The following RNF220 variants were observed in gnomAD, a reference collection of about 807,000 sequenced individuals.
RNF220 encodes ring finger protein 220.
Under a neutral mutation model 67.1 loss-of-function variants are expected in RNF220, and 7 were observed. The observed-to-expected ratio is 0.10, with a 90% CI of 0.06 to 0.20. The LOEUF (loss-of-function observed/expected upper bound fraction) is 0.20, where lower values mean the gene tolerates loss of function less well. Among genes scored for constraint, RNF220 ranks in the 10% least tolerant of loss-of-function variants. RNF220 has a pLI of 1.00. For synonymous variants in RNF220, 270 were observed against 283.2 expected (o/e 0.95, Z 0.47); for missense variants, 565 against 740.3 (o/e 0.76, Z 2.75).
At position 44,573,433 on chromosome 1, in the gene RNF220, C is replaced by G. The variant is rs142471276; in HGVS notation, c.626-40732C>G. Among the ~76,000 whole-genome samples, 370 of 152,136 alleles carry G rather than the reference C, an allele frequency of 2.4e-3. 2 individuals are homozygous for G. Among genetic ancestry groups the G allele is most frequent in the African/African-American group, 8.3e-3 (343 of 41,494 alleles). On this transcript the variant is annotated intron_variant, in intron 2 of 14. Transcript: ENST00000361799. The stretch of plus-strand genomic sequence containing the variant: ...GCTATCAGTCCATGAGGACACCGGG[C>G]TAGAAAGAAGAGAAGAGACCAGAAT...
At chr1:44,594,387 C>T (rs142513227) in intron 2 of RNF220, among the ~76,000 whole-genome samples, 53 of 152,274 alleles carry the variant, frequency 3.5e-4, no homozygotes, top group African/African-American at 1.1e-3. Flanking sequence ...TCCCCACGTC[C>T]CAGGAAGTGG....
intron 2 of RNF220, among the ~76,000 whole-genome samples, chr1:44,556,822 G>A (rs1355284441): frequency 6.6e-6 from 1 of 152,128 alleles, no homozygotes; most frequent in Non-Finnish European, 1.5e-5. Context: ...GCCTCCCAAA[G>A]TTCTGGGATT....
chr1:44,494,380 A>T (rs1258080178), intron 2 of RNF220, among the ~76,000 whole-genome samples: 1 of 152,148 alleles, frequency 6.6e-6, no homozygotes, highest in Non-Finnish European at 1.5e-5. Flanking sequence ...TCAACTAGAG[A>T]TATTCTCAGA....
chr1:44,532,185 C>T (rs1014559339), intron 2 of RNF220, among the ~76,000 whole-genome samples: 1 of 152,194 alleles, frequency 6.6e-6, no homozygotes, highest in East Asian at 1.9e-4. Context: ...GTGCCCAGAC[C>T]TGCCCTGTCC....
At chr1:44,627,567 G>C (rs1232432021) in intron 5 of RNF220, among the ~76,000 whole-genome samples, 1 of 152,086 alleles carries the variant, frequency 6.6e-6, no homozygotes, top group Non-Finnish European at 1.5e-5. Flanking sequence ...GAGTAGGAAG[G>C]ACAAAGAACT....
At chr1:44,542,852 G>A (rs1175391883) in intron 2 of RNF220, among the ~76,000 whole-genome samples, 1 of 152,214 alleles carries the variant, frequency 6.6e-6, no homozygotes, top group Non-Finnish European at 1.5e-5. Flanking sequence ...GAGGAAGGCA[G>A]TGCTGGAGAA....
At chr1:44,632,470 G>T (rs1644185300) in intron 6 of RNF220, 85 bp downstream of exon 6, 3 of 1,376,650 alleles carry the variant, frequency 2.2e-6, no homozygotes, top group Non-Finnish European at 3.0e-6. Flanking sequence ...GGCTTGCCTG[G>T]GTCTCTTCGA....
At chr1:44,499,709 G>C (rs1572689683) in intron 2 of RNF220, among the ~76,000 whole-genome samples, 1 of 148,156 alleles carries the variant, frequency 6.7e-6, no homozygotes, top group East Asian at 1.9e-4. Context: ...CTCTAGCCTA[G>C]ACCTCTCCCC....
chr1:44,441,809 C>T (rs1301970711), intron 2 of RNF220, among the ~76,000 whole-genome samples: 1 of 152,170 alleles, frequency 6.6e-6, no homozygotes, highest in East Asian at 1.9e-4. Context: ...TGCTAGGAGC[C>T]ATTAGGTCAT....
intron 2 of RNF220, among the ~76,000 whole-genome samples, chr1:44,527,785 G>C (rs935286142): frequency 6.6e-6 from 1 of 151,598 alleles, no homozygotes; most frequent in Non-Finnish European, 1.5e-5. Flanking sequence ...AATTAGCCAG[G>C]CATGGTGGCA....
chr1:44,580,994 CAG>C (rs1257712147), intron 2 of RNF220, among the ~76,000 whole-genome samples: 1 of 152,218 alleles, frequency 6.6e-6, no homozygotes, highest in Non-Finnish European at 1.5e-5. Context: ...TGCCCAGAGC[CAG>C]AGTCTGGGCC....
intron 2 of RNF220, among the ~76,000 whole-genome samples, chr1:44,578,817 T>G (rs1665018795): frequency 6.6e-6 from 1 of 152,212 alleles, no homozygotes; most frequent in Non-Finnish European, 1.5e-5. Flanking sequence ...CTAATATTTA[T>G]TGAGTGCTCA....
In RNF220 at chr1:44,405,352, A is replaced by C; in HGVS notation, c.-296A>C. The C allele has an allele frequency of 3.4e-6, 2 of 586,748 alleles. No individual in the cohort carries two copies. The highest frequency in any genetic ancestry group is 5.9e-5 in the Admixed American group (2 of 33,888). 36.3% of individuals were successfully genotyped at this position (586,748 alleles called of 1,614,324 possible). A position where few individuals can be genotyped will look rare whatever the true frequency, so the allele number is the denominator to read the frequency against. ...TACATGCAATCCCAGGCAGCTCGCGAACACAAACCCGGGGCCAGCCGCCTA... is the reference window on the plus strand; with the variant it reads ...TACATGCAATCCCAGGCAGCTCGCGCACACAAACCCGGGGCCAGCCGCCTA... On this transcript the variant is annotated 5_prime_UTR_variant, in exon 1 of 15. Transcript: ENST00000361799.
At chr1:44,419,200 A>G (rs1319392625) in intron 2 of RNF220, 1 of 152,210 alleles carries the variant, frequency 6.6e-6, no homozygotes, top group Non-Finnish European at 1.5e-5. Context: ...TTTAAGTATC[A>G]TTTAAATTGT....
At chr1:44,453,349 T>C (rs541183067) in intron 2 of RNF220, among the ~76,000 whole-genome samples, 30 of 152,296 alleles carry the variant, frequency 2.0e-4, no homozygotes, top group Admixed American at 1.2e-3. Context: ...GTTGCAACTA[T>C]AGCAATGAAA....
intron 5 of RNF220, 93 bp from the exon 6 acceptor site, chr1:44,632,250 T>G: frequency 6.2e-7 from 1 of 1,613,316 alleles, no homozygotes; most frequent in Non-Finnish European, 8.5e-7. Flanking sequence ...GCAGCTTTGG[T>G]CGGGGGTCCG....
Position 44,591,707 on chromosome 1 carries a change from C to T in RNF220, c.626-22458C>T, listed in dbSNP as rs567885527. Among the ~76,000 whole-genome samples, 133 of 152,306 alleles carry T rather than the reference C, an allele frequency of 8.7e-4. 1 individual carries two copies. Among genetic ancestry groups the T allele is most frequent in the African/African-American group, 2.4e-3 (99 of 41,552 alleles). ...TAAGTCCTCCCGGCTCTGAAATGCCCGCAGAAAGAAGGCCCATGGGAGGCC... is the reference window on the plus strand; with the variant it reads ...TAAGTCCTCCCGGCTCTGAAATGCCTGCAGAAAGAAGGCCCATGGGAGGCC... On this transcript the variant is annotated intron_variant, in intron 2 of 14. Coordinates refer to ENST00000361799, the MANE Select transcript of RNF220 (RefSeq NM_018150.4).
rs1484764937 is a variant in RNF220, at chr1:44,650,581, G to C, written c.1630-123G>C. The C allele has an allele frequency of 4.8e-6, 5 of 1,037,880 alleles. No individual in the cohort carries two copies. In the Admixed American group the frequency reaches 7.8e-5, roughly 16 times the overall value. 64.3% of individuals were successfully genotyped at this position (1,037,880 alleles called of 1,614,324 possible). On this transcript the variant is annotated intron_variant, in intron 14 of 14. Transcript: ENST00000361799. This position sits in a 1 kb window ranked among gnomAD's most constrained non-coding sequence, Gnocchi z 4.3. ...GAAGCTGCCTATGCGTCCCCAGCCT[G>C]GGCTGACAGGACCAAGGTCTCAGCA...
chr1:44,518,096 C>T (rs1659598266), intron 2 of RNF220, among the ~76,000 whole-genome samples: 1 of 151,902 alleles, frequency 6.6e-6, no homozygotes, highest in Middle Eastern at 3.2e-3. Context: ...CAGAGCAAGA[C>T]TCCGTCTAAA....
Sources: gnomAD v4.1 joint callset for allele counts (sites outside exome capture counted in the v4.1 genomes callset) on GRCh38, gnomAD v4.1.1 for gene constraint, Gnocchi (gnomAD v3.1) non-coding constraint, MANE v1.5 for transcripts, NCBI Gene and HGNC (gene_info 2026-07-23, HGNC 2026-07-21) for gene names.